The following LMO7 variants were observed in gnomAD, a reference collection of about 807,000 sequenced individuals.
LMO7 encodes the protein LIM domain 7.
LMO7 carries 120 observed loss-of-function variants against 206.5 expected under a neutral mutation model. The ratio of observed to expected loss-of-function variants is 0.58; its 90% CI spans 0.50 to 0.68. The LOEUF (loss-of-function observed/expected upper bound fraction) is 0.68. Among genes scored for constraint, LMO7 ranks in the 30% least tolerant of loss-of-function variants. LMO7 has a pLI of 0.00. For synonymous variants in LMO7, 706 were observed against 681.5 expected (o/e 1.04, Z -0.56); for missense variants, 1,959 against 1,957.9 (o/e 1.00, Z -0.01).
At chr13:75,760,373 ATAG>A in intron 3 of LMO7, 1 of 1,049,796 alleles carries the variant, frequency 9.5e-7, no homozygotes, top group Non-Finnish European at 1.1e-6. Context: ...CCTCAGTCCT[ATAG>A]TATGGTTTCC....
intron 11 of LMO7, among the ~76,000 whole-genome samples, chr13:75,814,045 T>G (rs1240962824): frequency 6.6e-6 from 1 of 152,192 alleles, no homozygotes; most frequent in South Asian, 2.1e-4. Flanking sequence ...TTCACACAAA[T>G]CAGCTTTATA....
At chr13:75,832,437 C>T (rs907028577) in intron 15 of LMO7, among the ~76,000 whole-genome samples, 1 of 152,128 alleles carries the variant, frequency 6.6e-6, no homozygotes, top group African/African-American at 2.4e-5. Flanking sequence ...TAATTCCTTA[C>T]AGGTGACATA....
At chr13:75,661,926 A>G (rs1379446932) in intron 1 of LMO7, among the ~76,000 whole-genome samples, 1 of 152,198 alleles carries the variant, frequency 6.6e-6, no homozygotes, top group Non-Finnish European at 1.5e-5. Flanking sequence ...GTTGCTAGCA[A>G]TGATAAATTA....
At chr13:75,751,717 A>G (rs2047283089) in intron 3 of LMO7, among the ~76,000 whole-genome samples, 1 of 152,056 alleles carries the variant, frequency 6.6e-6, no homozygotes, top group East Asian at 1.9e-4. Flanking sequence ...CCTTGTCTCT[A>G]TTTTTACACT....
intron 1 of LMO7, among the ~76,000 whole-genome samples, chr13:75,700,227 A>G (rs1467377618): frequency 6.6e-6 from 1 of 152,258 alleles, no homozygotes; most frequent in Non-Finnish European, 1.5e-5. Context: ...CTGAGGCGAC[A>G]TACATCCTCA....
intron 3 of LMO7, among the ~76,000 whole-genome samples, chr13:75,752,425 A>G (rs1246381842): frequency 6.6e-6 from 1 of 152,086 alleles, no homozygotes; most frequent in Non-Finnish European, 1.5e-5. Context: ...GAGCCACTGC[A>G]CCCGGCCAAA....
At chr13:75,837,868 C>A (rs1440199314) in intron 19 of LMO7, among the ~76,000 whole-genome samples, 1 of 152,058 alleles carries the variant, frequency 6.6e-6, no homozygotes, top group Non-Finnish European at 1.5e-5. Context: ...GAAGATGATA[C>A]TTTGGCTTTT....
intron 1 of LMO7, among the ~76,000 whole-genome samples, chr13:75,692,381 A>G (rs1052133442): frequency 6.6e-6 from 1 of 151,558 alleles, no homozygotes; most frequent in African/African-American, 2.4e-5. Flanking sequence ...GATTCCTTAA[A>G]TATGTTTCTT....
chr13:75,768,749 T>C (rs1361427526), intron 4 of LMO7, among the ~76,000 whole-genome samples: 4 of 152,048 alleles, frequency 2.6e-5, no homozygotes, highest in Non-Finnish European at 5.9e-5. Flanking sequence ...AAGGTTTTTG[T>C]AGAGCTTAGG....
At chr13:75,710,152 G>A (rs942818836) in intron 1 of LMO7, among the ~76,000 whole-genome samples, 1 of 152,054 alleles carries the variant, frequency 6.6e-6, no homozygotes, top group South Asian at 2.1e-4. Flanking sequence ...TGTTCCATTG[G>A]TCTATATCTC....
At chr13:75,680,484 C>T (rs1306794905) in intron 1 of LMO7, among the ~76,000 whole-genome samples, 1 of 152,144 alleles carries the variant, frequency 6.6e-6, no homozygotes, top group African/African-American at 2.4e-5. Context: ...CTGTCTTCCA[C>T]AGTGGTTGAA....
intron 1 of LMO7, chr13:75,688,732 T>A (rs963670110): frequency 2.6e-5 from 4 of 152,244 alleles, no homozygotes; most frequent in African/African-American, 9.6e-5. Flanking sequence ...GTCTTCAATA[T>A]TCTTCATATT....
intron 3 of LMO7, among the ~76,000 whole-genome samples, chr13:75,735,765 C>A (rs182352013): frequency 3.3e-5 from 5 of 151,688 alleles, no homozygotes; most frequent in South Asian, 2.1e-4. Context: ...TGAGCCACTG[C>A]GCTTTCTTGG....
At chr13:75,675,154 G>A (rs995897644) in intron 1 of LMO7, among the ~76,000 whole-genome samples, 1 of 148,398 alleles carries the variant, frequency 6.7e-6, no homozygotes, top group Admixed American at 6.8e-5. Context: ...TTCACTCATT[G>A]CAACCTCTGC....
At chr13:75,666,535 A>G (rs1723476792) in intron 1 of LMO7, among the ~76,000 whole-genome samples, 1 of 152,070 alleles carries the variant, frequency 6.6e-6, no homozygotes, top group Non-Finnish European at 1.5e-5. Context: ...TGCATTGAGA[A>G]CTTACTGTAT....
intron 1 of LMO7, among the ~76,000 whole-genome samples, chr13:75,697,253 G>A (rs550963723): frequency 6.8e-4 from 103 of 152,292 alleles, no homozygotes; most frequent in African/African-American, 2.3e-3. Flanking sequence ...TACGGGTGGT[G>A]TATTAGTCCA....
chr13:75,647,955 T>C (rs75677221), intron 1 of LMO7, among the ~76,000 whole-genome samples: 13 of 78,214 alleles, frequency 1.7e-4, no homozygotes, highest in African/African-American at 2.7e-4. Flanking sequence ...TTCTTTCTTT[T>C]TTTTTTTTTT....
rs1199321535 is a variant in LMO7, at chr13:75,808,067, C to G, written c.1784C>G (p.Ser595Cys). The G allele has an allele frequency of 6.2e-7, 1 of 1,613,954 alleles. No homozygotes were observed. Among genetic ancestry groups the G allele is most frequent in the East Asian group, 2.2e-5 (1 of 44,870 alleles). Residue 595 changes from serine to cysteine, a missense_variant, in exon 10 of 31, where the codon TCC (serine) becomes TGC (cysteine). Ser to Cys is a moderately radical substitution (Grantham distance 112). Transcript: ENST00000377534. ...KDDMLTRKIQ[S>C]WKLGTTVPPI... ...GACATGCTGACACGTAAGATTCAGT[C>G]CTGGAAACTGGGAACTACCGTGCCT... is the stretch of plus-strand genomic sequence containing the variant.
intron 1 of LMO7, among the ~76,000 whole-genome samples, chr13:75,638,370 A>G (rs1320681444): frequency 1.3e-5 from 2 of 152,006 alleles, no homozygotes; most frequent in Non-Finnish European, 2.9e-5. Context: ...TATGTAATGA[A>G]TGGGGGGAAA....
Sources: gnomAD v4.1 joint callset for allele counts (sites outside exome capture counted in the v4.1 genomes callset) on GRCh38, gnomAD v4.1.1 for gene constraint, MANE v1.5 for transcripts, NCBI Gene and HGNC (gene_info 2026-07-23, HGNC 2026-07-21) for gene names.